Variants in TSHZ3 observed in about 807,000 individuals in gnomAD.
TSHZ3 encodes the protein teashirt zinc finger homeobox 3, also known as teashirt homolog 3.
In TSHZ3, 10 loss-of-function variants were observed where a neutral mutation model predicts 64.5. That is an observed-to-expected ratio of 0.16 (90% CI 0.10 to 0.26). The LOEUF (loss-of-function observed/expected upper bound fraction) is 0.26. TSHZ3 is among the 10% of genes least tolerant of loss of function. The pLI, the probability that TSHZ3 is intolerant of heterozygous loss-of-function variation, is 1.00. For missense variants in TSHZ3, 1,242 were observed against 1,421.7 expected, an observed-to-expected ratio of 0.87 and a Z score of 2.03; for synonymous variants, 608 against 593.1, an observed-to-expected ratio of 1.03 and a Z score of -0.36.
intron 1 of TSHZ3, among the ~76,000 whole-genome samples, chr19:31,309,240 G>A (rs1916386106): frequency 6.6e-6 from 1 of 152,232 alleles, no homozygotes; most frequent in African/African-American, 2.4e-5. Flanking sequence ...CACAGGATAT[G>A]GGCTAACCCA....
At chr19:31,256,423 G>A (rs1395067854) in intron 1 of TSHZ3, among the ~76,000 whole-genome samples, 2 of 152,084 alleles carry the variant, frequency 1.3e-5, no homozygotes, top group African/African-American at 2.4e-5. Context: ...AGGCTGGGGC[G>A]AGACTCACCT....
chr19:31,264,841 C>A (rs1976027472), intron 1 of TSHZ3, among the ~76,000 whole-genome samples: 1 of 152,072 alleles, frequency 6.6e-6, no homozygotes, highest in Non-Finnish European at 1.5e-5. Flanking sequence ...AGAGACAGGG[C>A]CAGTCAACGA....
chr19:31,201,138 A>G (rs985860224), intron 5 of TSHZ3, among the ~76,000 whole-genome samples: 24 of 152,246 alleles, frequency 1.6e-4, no homozygotes, highest in African/African-American at 4.8e-4. Flanking sequence ...CGTTAAAAGT[A>G]TCATTTCAAG....
At chr19:31,298,713 G>C (rs1197310182) in intron 1 of TSHZ3, among the ~76,000 whole-genome samples, 2 of 152,086 alleles carry the variant, frequency 1.3e-5, no homozygotes, top group African/African-American at 2.4e-5. Context: ...TCCATGTCAT[G>C]GATGAAGAGA....
At chr19:31,331,756 C>T (rs908010208) in intron 1 of TSHZ3, among the ~76,000 whole-genome samples, 1 of 152,194 alleles carries the variant, frequency 6.6e-6, no homozygotes, top group Admixed American at 6.5e-5. Flanking sequence ...CTGGTCCAGC[C>T]GGGACAGTCA....
chr19:31,341,170 C>A (rs1917421517), intron 1 of TSHZ3, among the ~76,000 whole-genome samples: 1 of 152,250 alleles, frequency 6.6e-6, no homozygotes, highest in African/African-American at 2.4e-5. Context: ...AGCAGATCCA[C>A]ACACTAGTTT....
intron 1 of TSHZ3, among the ~76,000 whole-genome samples, chr19:31,303,297 T>C (rs1002451829): frequency 6.6e-6 from 1 of 152,204 alleles, no homozygotes; most frequent in African/African-American, 2.4e-5. Context: ...TAAAGGGACC[T>C]TTCTCCACTA....
chr19:31,191,781 C>A (rs1254964337), intron 5 of TSHZ3, among the ~76,000 whole-genome samples: 3 of 152,028 alleles, frequency 2.0e-5, no homozygotes, highest in Non-Finnish European at 4.4e-5. Flanking sequence ...ATTGCTTGAG[C>A]CCAGGAATCT....
At chr19:31,243,826 A>G (rs1477923860) in intron 1 of TSHZ3, among the ~76,000 whole-genome samples, 19 of 152,256 alleles carry the variant, frequency 1.2e-4, no homozygotes, top group Admixed American at 3.3e-4. Flanking sequence ...CCTCATCTGC[A>G]TTTGGAAACT....
chr19:31,281,382 A>G (rs1976359172), intron 1 of TSHZ3, among the ~76,000 whole-genome samples: 1 of 152,184 alleles, frequency 6.6e-6, no homozygotes, highest in South Asian at 2.1e-4. Flanking sequence ...AGACACATGG[A>G]ATCCCAACAC....
chr19:31,312,461 C>G (rs967207663), intron 1 of TSHZ3, among the ~76,000 whole-genome samples: 4 of 152,214 alleles, frequency 2.6e-5, no homozygotes, highest in African/African-American at 4.8e-5. Flanking sequence ...CCCATCAGAG[C>G]AGGACACTCC....
intron 1 of TSHZ3, among the ~76,000 whole-genome samples, chr19:31,296,876 G>C (rs973734370): frequency 6.6e-6 from 1 of 152,172 alleles, no homozygotes; most frequent in Admixed American, 6.5e-5. Context: ...GCCTGGGACA[G>C]CTCTCCAGCC....
chr19:31,333,503 C>A (rs182837031), intron 1 of TSHZ3, among the ~76,000 whole-genome samples: 1 of 152,266 alleles, frequency 6.6e-6, no homozygotes, highest in East Asian at 1.9e-4. Context: ...GTCCCTTGAA[C>A]CAGCAAATCC....
At chr19:31,217,078 C>T (rs578035332) in intron 4 of TSHZ3, among the ~76,000 whole-genome samples, 1 of 152,270 alleles carries the variant, frequency 6.6e-6, no homozygotes, top group East Asian at 1.9e-4. Context: ...GGATTACAGG[C>T]ATTAACCACC....
rs1359758435 is a variant in TSHZ3, at chr19:31,246,834, G to A, written n.64-3959C>T. 1.3e-5 allele frequency among the ~76,000 whole-genome samples: 2 copies of A among 152,040 alleles called. 1 individual carries two copies. The highest frequency in any genetic ancestry group is 4.2e-4 in the South Asian group (2 of 4,810). ...GCCTGCAACCGAGAAAGCACAAGATGAGCCTGAAACTTCTGGTCCCAAAAA... is the reference window on the plus strand; with the variant it reads ...GCCTGCAACCGAGAAAGCACAAGATAAGCCTGAAACTTCTGGTCCCAAAAA... On this transcript the variant is annotated intron_variant and non_coding_transcript_variant, in intron 1 of 6. Coordinates refer to the TSHZ3 transcript ENST00000651361.
chr19:31,152,181 T>C (rs1382354010), intron 6 of TSHZ3, among the ~76,000 whole-genome samples: 1 of 151,910 alleles, frequency 6.6e-6, no homozygotes. Flanking sequence ...TTGCCTAGAA[T>C]GTCCTAGGTC....
chr19:31,285,723 G>T (rs1463374398), intron 1 of TSHZ3, among the ~76,000 whole-genome samples: 1 of 133,908 alleles, frequency 7.5e-6, no homozygotes, highest in Non-Finnish European at 1.5e-5. Flanking sequence ...GGTGGAGACT[G>T]CAGTGAGCTG....
At chr19:31,154,349 T>C (rs891555261) in intron 6 of TSHZ3, among the ~76,000 whole-genome samples, 1 of 152,170 alleles carries the variant, frequency 6.6e-6, no homozygotes, top group African/African-American at 2.4e-5. Context: ...GTCCCCCAGA[T>C]GGATGACCCT....
At position 31,313,520 on chromosome 19, in the gene TSHZ3, G is replaced by A. The variant is rs78159689; in HGVS notation, c.41-33768C>T. ...CAGGGACTAGGGTGGCCACGCTCCT[G>A]GCACTGCGTACCACCTGCCTGTTGG... On this transcript the variant is annotated intron_variant, in intron 1 of 1. Transcript: ENST00000240587. Among the ~76,000 whole-genome samples the A allele has an allele frequency of 1.6e-3, 239 of 152,248 alleles. 1 individual carries two copies. Among genetic ancestry groups the A allele is most frequent in the African/African-American group, 5.6e-3 (234 of 41,548 alleles).
Sources: gnomAD v4.1 joint callset for allele counts (sites outside exome capture counted in the v4.1 genomes callset) on GRCh38, gnomAD v4.1.1 for gene constraint, MANE v1.5 for transcripts, NCBI Gene and HGNC (gene_info 2026-07-23, HGNC 2026-07-21) for gene names.